HUWE1: variants seen among roughly 807,000 people sequenced by gnomAD.
HUWE1 encodes HECT, UBA and WWE domain containing E3 ubiquitin protein ligase 1.
Under a neutral mutation model 299.4 loss-of-function variants are expected in HUWE1, and 18 were observed. The ratio of observed to expected loss-of-function variants is 0.06; its 90% CI spans 0.04 to 0.09. The LOEUF (loss-of-function observed/expected upper bound fraction) is 0.09. Among genes scored for constraint, HUWE1 ranks in the 10% least tolerant of loss-of-function variants. The pLI is 1.00. For missense variants in HUWE1, 1,832 were observed against 3,462.3 expected, an observed-to-expected ratio of 0.53 and a Z score of 11.82; for synonymous variants, 1,317 against 1,286.1, an observed-to-expected ratio of 1.02 and a Z score of -0.51.
intron 59 of HUWE1, among the ~76,000 whole-genome samples, 162 bp from the exon 60 acceptor site, chrX:53,557,589 C>T (rs1477586078): frequency 1.8e-5 from 2 of 111,473 alleles, no homozygotes; most frequent in African/African-American, 6.5e-5. Flanking sequence ...TTTCACTGTG[C>T]AAATATATGA....
In HUWE1 at chrX:53,645,316, C is replaced by A; in HGVS notation, c.499G>T (p.Ala167Ser). Residue 167 changes from alanine to serine, a missense_variant, in exon 7 of 84, where the codon GCA becomes TCA. Coordinates refer to ENST00000262854, the MANE Select transcript of HUWE1 (RefSeq NM_031407.7). ...ACTCTTCACCCAAGACTCACCTCTG[C>A]CAAATGTTGTAGCCGAGTTAGCAGC... The part of the protein sequence containing the change: ...TPLLTRLQHL[A>S]ESWGGKENGF... 5 of 1,211,217 alleles carry A rather than the reference C, an allele frequency of 4.1e-6. No homozygotes were observed. Among genetic ancestry groups the A allele is most frequent in the Non-Finnish European group, 4.5e-6 (4 of 895,290 alleles).
In HUWE1 at chrX:53,584,207, G is replaced by A. The variant is rs369627689; in HGVS notation, c.5140C>T (p.Arg1714Cys). Residue 1714 changes from arginine to cysteine, a missense_variant, in exon 41 of 84, where the codon CGT becomes TGT. This residue lies in a region of HUWE1 where 46 missense variants were observed against 42.6 expected (regional missense o/e 1.08). Transcript: ENST00000262854. ...LEESKEMDIK[R>C]KENKGNDTPL... The stretch of plus-strand genomic sequence containing the variant: ...ATACCATTGCCTTTATTTTCTTTAC[G>A]TTTGATATCCATTTCTTTGCTTTCT... 9.9e-6 allele frequency: 12 copies of A among 1,207,424 alleles called. No individual in the cohort carries two copies. Among genetic ancestry groups the A allele is most frequent in the South Asian group, 5.3e-5 (3 of 56,715 alleles).
intron 3 of HUWE1, among the ~76,000 whole-genome samples, chrX:53,665,392 C>G (rs1366144015): frequency 8.9e-6 from 1 of 112,393 alleles, no homozygotes; most frequent in Non-Finnish European, 1.9e-5. Context: ...AGAGTTTATG[C>G]TGGCTCTGGG....
intron 32 of HUWE1, 147 bp from the exon 33 acceptor site, chrX:53,592,775 C>T (rs1419745187): frequency 6.0e-6 from 3 of 499,627 alleles, no homozygotes; most frequent in Non-Finnish European, 1.1e-5. Flanking sequence ...TAAGGAGGCA[C>T]AGAGAAGAGG....
Position 53,557,389 on chromosome X carries a change from A to G in HUWE1, c.8199T>C (p.Asn2733=). The G allele has an allele frequency of 8.3e-7, 1 of 1,207,958 alleles. No individual in the cohort carries two copies. The highest frequency in any genetic ancestry group is 1.1e-6 in the Non-Finnish European group (1 of 891,853). The change falls in exon 60 of 84, where the codon AAT becomes AAC. Residue 2733 remains asparagine, a synonymous_variant. Coordinates refer to ENST00000262854, the MANE Select transcript of HUWE1 (RefSeq NM_031407.7). The stretch of plus-strand genomic sequence containing the variant: ...AAAGGGAAGGAGAGTTACCTGAGAG[A>G]TTCTGTTCAGTGGAGTCATTTGACT... The part of the protein sequence containing the change: ...ASKSNDSTEQ[N]LSDGTPMPDS...
At chrX:53,602,382 C>G (rs1432934213) in intron 28 of HUWE1, among the ~76,000 whole-genome samples, 182 bp downstream of exon 28, 1 of 103,201 alleles carries the variant, frequency 9.7e-6, no homozygotes, top group Non-Finnish European at 2.0e-5. Flanking sequence ...CTTTCAACTA[C>G]ATTTTCTAAA....
intron 22 of HUWE1, among the ~76,000 whole-genome samples, chrX:53,615,328 A>G (rs781792668): frequency 1.0e-4 from 11 of 109,466 alleles, no homozygotes; most frequent in Non-Finnish European, 2.1e-4. Flanking sequence ...CCCGAGTTCA[A>G]GTGATTCTCC....
In HUWE1 at chrX:53,535,520, C is replaced by A; in HGVS notation, c.12532-19G>T. 9.9e-7 allele frequency: 1 copy of A among 1,011,587 alleles called. No homozygotes were observed. 83.4% of individuals were successfully genotyped at this position (1,011,587 alleles called of 1,213,427 possible). A position where few individuals can be genotyped will look rare whatever the true frequency, so the allele number is the denominator to read the frequency against. ...CTTGGACCTAGAACAACCAAAACAC[C>A]AATCATACATATCAGACTTCATCTA... On this transcript the variant is annotated intron_variant, in intron 80 of 83. Coordinates refer to ENST00000262854, the MANE Select transcript of HUWE1 (RefSeq NM_031407.7).
chrX:53,643,688 T>C (rs1369215898), intron 7 of HUWE1, among the ~76,000 whole-genome samples: 4 of 112,145 alleles, frequency 3.6e-5, no homozygotes, highest in African/African-American at 9.7e-5. Flanking sequence ...TATTAATACA[T>C]GGAAGAGCTA....
intron 3 of HUWE1, among the ~76,000 whole-genome samples, chrX:53,663,170 G>C (rs1338085974): frequency 1.8e-5 from 2 of 112,156 alleles, no homozygotes; most frequent in Non-Finnish European, 3.8e-5. Context: ...TAGAGTCAGG[G>C]AATCAATGGA....
In HUWE1 at chrX:53,573,849, G is replaced by A. The variant is rs868911562; in HGVS notation, c.6213C>T (p.Ile2071=). The part of the protein sequence containing the change: ...GSKPLMPTST[I]LRLLAELVRS... ...TCACCAACTCTGCCAGAAGACGAAG[G>A]ATAGTGGAGGTAGGCATTAAAGGTT... The change falls in exon 47 of 84, where the codon ATC becomes ATT. Residue 2071 remains isoleucine, a synonymous_variant. Coordinates refer to ENST00000262854, the MANE Select transcript of HUWE1 (RefSeq NM_031407.7). 3 of 1,209,093 alleles carry A rather than the reference G, an allele frequency of 2.5e-6. No homozygotes were observed. The highest frequency in any genetic ancestry group is 3.4e-6 in the Non-Finnish European group (3 of 894,068).
intron 7 of HUWE1, among the ~76,000 whole-genome samples, chrX:53,637,359 T>C (rs782471810): frequency 8.9e-6 from 1 of 112,494 alleles, no homozygotes; most frequent in African/African-American, 3.2e-5. Context: ...GGACATCTAG[T>C]GAAGACGAAG....
In HUWE1 at chrX:53,551,184, C is replaced by T; in HGVS notation, c.9102G>A (p.Leu3034=). The T allele has an allele frequency of 8.3e-7, 1 of 1,211,678 alleles. No individual in the cohort carries two copies. The highest frequency in any genetic ancestry group is 1.1e-6 in the Non-Finnish European group (1 of 895,440). ...ALPPAIQEEV[L]AQQRAEQQRR... ...GCTGCTGCTCAGCTCTCTGCTGTGCCAGTACCTATGGAGCAGAAAAAGTCA... is the reference window on the plus strand; with the variant it reads ...GCTGCTGCTCAGCTCTCTGCTGTGCTAGTACCTATGGAGCAGAAAAAGTCA... Residue 3034 remains leucine, a synonymous_variant, in exon 65 of 84, where the codon CTG becomes CTA. Coordinates refer to ENST00000262854, the MANE Select transcript of HUWE1 (RefSeq NM_031407.7).
intron 24 of HUWE1, among the ~76,000 whole-genome samples, chrX:53,608,028 T>C (rs1283597100): frequency 8.9e-6 from 1 of 112,056 alleles, no homozygotes. Flanking sequence ...TAGTGCTCCT[T>C]GCCTACCTCT....
In HUWE1 at chrX:53,561,771, T is replaced by C; in HGVS notation, c.7492A>G (p.Met2498Val). Residue 2498 changes from methionine (M) to valine (V), a missense_variant, in exon 55 of 84, where the codon ATG (methionine) becomes GTG (valine). This residue lies in a region of HUWE1 where 170 missense variants were observed against 335.8 expected (regional missense o/e 0.51). Coordinates refer to ENST00000262854, the MANE Select transcript of HUWE1 (RefSeq NM_031407.7). ...TGTATCTTACTAGCACTGGAGAACA[T>C]GTTGTCAAACTCAATGATGAGATCA... is the stretch of plus-strand genomic sequence containing the variant. ...EDDLIIEFDNMFSSATDIPPS... is the reference protein window; with the variant it reads ...EDDLIIEFDNVFSSATDIPPS... The C allele has an allele frequency of 8.3e-7, 1 of 1,210,771 alleles. No homozygotes were observed. Among genetic ancestry groups the C allele is most frequent in the Non-Finnish European group, 1.1e-6 (1 of 895,023 alleles).
At position 53,627,887 on chromosome X, in the gene HUWE1, G is replaced by A. The variant is rs781931508; in HGVS notation, c.1243-8C>T. 8.3e-6 allele frequency: 10 copies of A among 1,205,854 alleles called. No individual in the cohort carries two copies. The highest frequency in any genetic ancestry group is 1.7e-5 in the African/African-American group (1 of 57,503). ...GCCAAGAAACTTTATGACCTATCAC[G>A]GAGAAAAAGAGGCAAAAACAATGAA... On this transcript the variant is annotated splice_polypyrimidine_tract_variant and splice_region_variant and intron_variant, in intron 15 of 83. Coordinates refer to ENST00000262854, the MANE Select transcript of HUWE1 (RefSeq NM_031407.7).
At chrX:53,551,612 G>C (rs1237474488) in intron 63 of HUWE1, 132 bp from the exon 64 acceptor site, 2 of 566,251 alleles carry the variant, frequency 3.5e-6, no homozygotes, top group Non-Finnish European at 5.9e-6. Context: ...TCCTGGGCTC[G>C]AGTCTTCCTG....
chrX:53,567,887 A>C (rs2062644523), intron 49 of HUWE1, among the ~76,000 whole-genome samples: 1 of 111,536 alleles, frequency 9.0e-6, no homozygotes, highest in African/African-American at 3.3e-5. Context: ...TCAGCCCAAA[A>C]TGTTTAAACT....
intron 7 of HUWE1, among the ~76,000 whole-genome samples, chrX:53,643,148 G>T (rs2067720792): frequency 2.7e-5 from 3 of 111,459 alleles, no homozygotes; most frequent in Non-Finnish European, 5.7e-5. Flanking sequence ...GTTTTTTGTT[G>T]GGAAGTATAT....
Sources: gnomAD v4.1 joint callset for allele counts (sites outside exome capture counted in the v4.1 genomes callset) on GRCh38, gnomAD v4.1.1 for gene constraint, gnomAD v4.1.1 regional missense constraint, MANE v1.5 for transcripts, NCBI Gene and HGNC (gene_info 2026-07-23, HGNC 2026-07-21) for gene names.